Variants in TMEFF2 observed in about 807,000 individuals in gnomAD.
The protein encoded by TMEFF2 is tomoregulin-2.
A neutral mutation model predicts 53.8 loss-of-function variants in TMEFF2; 28 were observed. The observed-to-expected ratio is 0.52, with a 90% CI of 0.39 to 0.71. The LOEUF is 0.71. Among genes scored for constraint, TMEFF2 ranks in the 30% least tolerant of loss-of-function variants. The probability of loss-of-function intolerance (pLI) is 0.00; values close to 1 mark genes in which losing one functional copy is unlikely to be tolerated. For synonymous variants in TMEFF2, 162 were observed against 166.3 expected, an observed-to-expected ratio of 0.97 and a Z score of 0.20; for missense variants, 353 against 455.2, an observed-to-expected ratio of 0.78 and a Z score of 2.04.
At chr2:191,979,842 C>CTCTA (rs945433067) in intron 7 of TMEFF2, among the ~76,000 whole-genome samples, 116 of 147,344 alleles carry the variant, frequency 7.9e-4, no homozygotes, top group African/African-American at 2.8e-3. Context: ...CTATATATAT[C>CTCTA]TCTATCTATC....
chr2:192,185,289 T>A (rs964421421), intron 2 of TMEFF2, among the ~76,000 whole-genome samples: 1 of 151,912 alleles, frequency 6.6e-6, no homozygotes, highest in Non-Finnish European at 1.5e-5. Context: ...AATCATACTC[T>A]AAGGCATTAA....
At chr2:191,990,763 G>GGT (rs34545329) in intron 7 of TMEFF2, among the ~76,000 whole-genome samples, 31,611 of 134,530 alleles carry the variant, frequency 0.23, 3,353 homozygotes, top group Middle Eastern at 0.34. Context: ...CTCTTTGCGG[G>GGT]GTGTGTGTGT....
chr2:192,162,323 T>A (rs916576332), intron 4 of TMEFF2, among the ~76,000 whole-genome samples: 22 of 152,142 alleles, frequency 1.4e-4, no homozygotes, highest in Non-Finnish European at 2.9e-5. Flanking sequence ...GATTAAAAAA[T>A]TTGATAATAC....
At chr2:192,128,924 G>C (rs989527513) in intron 4 of TMEFF2, among the ~76,000 whole-genome samples, 1 of 152,200 alleles carries the variant, frequency 6.6e-6, no homozygotes, top group Admixed American at 6.5e-5. Context: ...AAACTCTCCA[G>C]TGTGTGGCAC....
At chr2:191,951,157 G>A (rs1053138619) in intron 9 of TMEFF2, among the ~76,000 whole-genome samples, 29 of 145,552 alleles carry the variant, frequency 2.0e-4, no homozygotes, top group Non-Finnish European at 4.2e-4. Context: ...GTGGGTTTAT[G>A]TGTATGTATG....
At chr2:192,142,719 C>A (rs1245353034) in intron 4 of TMEFF2, among the ~76,000 whole-genome samples, 2 of 152,144 alleles carry the variant, frequency 1.3e-5, no homozygotes, top group African/African-American at 4.8e-5. Flanking sequence ...GAAACGCAGA[C>A]TATACCTACA....
At chr2:192,125,919 T>C (rs1689666536) in intron 4 of TMEFF2, among the ~76,000 whole-genome samples, 1 of 152,188 alleles carries the variant, frequency 6.6e-6, no homozygotes. Flanking sequence ...CTAATGATGC[T>C]GGGCTTAACA....
chr2:192,088,256 C>T lies in TMEFF2; in HGVS notation c.440-30481G>A, dbSNP rs111370427. Among the ~76,000 whole-genome samples, 686 of 152,032 alleles carry T rather than the reference C, an allele frequency of 4.5e-3. 3 individuals are homozygous for T. The highest frequency in any genetic ancestry group is 0.015 in the African/African-American group (624 of 41,452). The stretch of plus-strand genomic sequence containing the variant: ...GCCCACAGGTAAGAAAAGACTGAAT[C>T]CATGAAGGGATGTAGAAGACTAACA... On this transcript the variant is annotated intron_variant, in intron 4 of 9. Transcript: ENST00000272771.
chr2:192,004,643 A>G (rs1185611361), intron 5 of TMEFF2, among the ~76,000 whole-genome samples: 2 of 152,172 alleles, frequency 1.3e-5, no homozygotes, highest in Non-Finnish European at 2.9e-5. Context: ...TACGTTTTGA[A>G]GATTAAAAAA....
chr2:192,176,950 C>T (rs960615984), intron 4 of TMEFF2: 1 of 150,946 alleles, frequency 6.6e-6, no homozygotes, highest in African/African-American at 2.4e-5. Context: ...TAAATTTGTT[C>T]CCTTCACTCT....
intron 4 of TMEFF2, among the ~76,000 whole-genome samples, chr2:192,093,661 G>C (rs1026134912): frequency 2.0e-5 from 3 of 152,054 alleles, no homozygotes; most frequent in African/African-American, 7.2e-5. Flanking sequence ...AATCTCCATA[G>C]AAAATTGTAT....
chr2:192,120,937 T>C (rs1205891490), intron 4 of TMEFF2, among the ~76,000 whole-genome samples: 1 of 152,006 alleles, frequency 6.6e-6, no homozygotes, highest in Non-Finnish European at 1.5e-5. Context: ...GGTTTCACTA[T>C]GTTGGCCAGG....
intron 7 of TMEFF2, among the ~76,000 whole-genome samples, chr2:191,972,437 A>G (rs1345386709): frequency 1.3e-5 from 2 of 148,198 alleles, no homozygotes; most frequent in Non-Finnish European, 3.0e-5. Context: ...GGTTGGGATT[A>G]CAGGCATGAA....
chr2:192,126,201 T>C (rs1341369324), intron 4 of TMEFF2, among the ~76,000 whole-genome samples: 1 of 152,232 alleles, frequency 6.6e-6, no homozygotes, highest in Non-Finnish European at 1.5e-5. Flanking sequence ...TTCTGAAATA[T>C]TTTAAAATCT....
At chr2:191,982,612 TTGAC>T (rs1251943420) in intron 7 of TMEFF2, among the ~76,000 whole-genome samples, 5 of 152,190 alleles carry the variant, frequency 3.3e-5, no homozygotes, top group East Asian at 1.9e-4. Context: ...AGTGAACAAT[TTGAC>T]TGACTAGCTA....
chr2:192,095,967 T>C (rs1238088241), intron 4 of TMEFF2, among the ~76,000 whole-genome samples: 1 of 152,190 alleles, frequency 6.6e-6, no homozygotes, highest in Non-Finnish European at 1.5e-5. Context: ...TAAAAGATGT[T>C]TTGGACATTT....
chr2:192,193,751 GATAGAT>G lies in TMEFF2; in HGVS notation c.172+596_172+601del, dbSNP rs1402762190. Among the ~76,000 whole-genome samples the G allele has an allele frequency of 3.5e-3, 96 of 27,166 alleles. 2 individuals carry two copies. The highest frequency in any genetic ancestry group is 5.8e-3 in the East Asian group (3 of 520). 17.8% of individuals were successfully genotyped at this position (27,166 alleles called of 152,430 possible). On this transcript the variant is annotated intron_variant, in intron 1 of 9. Transcript: ENST00000272771. ...GAGAAGGGAATGAGAGAGAGAGAGA[GATAGAT>G]AGATAGAGAGAGAGAGAGAGAGAGA...
chr2:192,136,811 A>G (rs1690018894), intron 4 of TMEFF2, among the ~76,000 whole-genome samples: 1 of 152,230 alleles, frequency 6.6e-6, no homozygotes, highest in African/African-American at 2.4e-5. Context: ...AACTAACTAA[A>G]GATAAACAAC....
chr2:191,963,754 G>A (rs556548038), intron 7 of TMEFF2, among the ~76,000 whole-genome samples: 6 of 152,182 alleles, frequency 3.9e-5, no homozygotes, highest in African/African-American at 1.2e-4. Flanking sequence ...ATTGGTTGTC[G>A]CTCAGTGATT....
Sources: allele counts gnomAD v4.1 joint callset (sites outside exome capture counted in the v4.1 genomes callset), GRCh38; gene constraint gnomAD v4.1.1; transcripts MANE v1.5; gene names NCBI Gene and HGNC (gene_info 2026-07-23, HGNC 2026-07-21).